PLD1: variants seen among roughly 807,000 people sequenced by gnomAD.
PLD1 encodes phospholipase D1.
PLD1 carries 112 observed loss-of-function variants against 137.1 expected under a neutral mutation model. The ratio of observed to expected loss-of-function variants is 0.82; its 90% CI spans 0.70 to 0.96. The LOEUF (loss-of-function observed/expected upper bound fraction) is 0.96. Ranked by LOEUF, PLD1 falls within the 40% of genes least tolerant of loss-of-function variation. The probability of loss-of-function intolerance (pLI) is 0.00; values close to 1 mark genes in which losing one functional copy is unlikely to be tolerated. For synonymous variants in PLD1, 431 were observed against 454.7 expected (o/e 0.95, Z 0.66); for missense variants, 1,321 against 1,342.0 (o/e 0.98, Z 0.24).
intron 23 of PLD1, among the ~76,000 whole-genome samples, chr3:171,622,009 A>T (rs921961557): frequency 1.3e-5 from 2 of 152,208 alleles, no homozygotes; most frequent in Non-Finnish European, 2.9e-5. Flanking sequence ...AAATAAATGT[A>T]TGAGTGGATA....
chr3:171,663,006 A>G (rs1380492784), intron 19 of PLD1, among the ~76,000 whole-genome samples: 2 of 152,218 alleles, frequency 1.3e-5, no homozygotes, highest in African/African-American at 4.8e-5. Flanking sequence ...ATGCCAGTCA[A>G]TTTGGGATTG....
chr3:171,761,058 T>G (rs773503464), intron 1 of PLD1, among the ~76,000 whole-genome samples: 1 of 152,222 alleles, frequency 6.6e-6, no homozygotes, highest in African/African-American at 2.4e-5. Flanking sequence ...ATAAGATAAA[T>G]GTATACATCT....
chr3:171,792,399 G>T (rs534545078), intron 1 of PLD1: 28 of 358,070 alleles, frequency 7.8e-5, no homozygotes, highest in African/African-American at 1.3e-4. Flanking sequence ...GGGCTGGGTG[G>T]CCCCAAATGA....
At chr3:171,730,348 T>C (rs1018892253) in intron 6 of PLD1, among the ~76,000 whole-genome samples, 1 of 151,780 alleles carries the variant, frequency 6.6e-6, no homozygotes, top group Non-Finnish European at 1.5e-5. Context: ...TCACCAATGG[T>C]CTCTGAGGCA....
Position 171,612,581 on chromosome 3 carries a change from C to T in PLD1, c.2729-149G>A. On this transcript the variant is annotated intron_variant, in intron 24 of 26. Coordinates refer to ENST00000351298, the MANE Select transcript of PLD1 (RefSeq NM_002662.5). The surrounding 1 kb of genome is among the most constrained non-coding windows in gnomAD (Gnocchi z 4.1). ...TGTGTTTTTAGGGAGGTGGGGCCCT[C>T]CCTAACCCAGGGGTGAATCTTAATC... 1 of 673,472 alleles carries T rather than the reference C, an allele frequency of 1.5e-6. No homozygotes were observed. Among genetic ancestry groups the T allele is most frequent in the Admixed American group, 2.5e-5 (1 of 39,952 alleles). The allele number at this position is 673,472 out of a possible 1,614,324, so 41.7% of individuals were successfully genotyped here.
At position 171,650,027 on chromosome 3, in the gene PLD1, A is replaced by G. The variant is rs554464229; in HGVS notation, c.2430-5004T>C. ...AAAACATTAAATCATTTTTCCCTTT[A>G]AATGTGTTAACTTCCCCCACTCTGT... On this transcript the variant is annotated intron_variant, in intron 21 of 26. Coordinates refer to ENST00000351298, the MANE Select transcript of PLD1 (RefSeq NM_002662.5). Among the ~76,000 whole-genome samples the G allele has an allele frequency of 3.3e-5, 5 of 152,320 alleles. No homozygotes were observed. The East Asian group carries it at 9.6e-4, about 29-fold the overall frequency.
chr3:171,657,330 GA>G (rs1171572902), intron 21 of PLD1, among the ~76,000 whole-genome samples: 2 of 152,112 alleles, frequency 1.3e-5, no homozygotes, highest in African/African-American at 2.4e-5. Flanking sequence ...AATATTATGT[GA>G]AAAAAGATAT....
chr3:171,680,714 C>A (rs999734392), intron 16 of PLD1, among the ~76,000 whole-genome samples: 1 of 152,168 alleles, frequency 6.6e-6, no homozygotes, highest in Non-Finnish European at 1.5e-5. Flanking sequence ...TCAAGTCTTT[C>A]CTTGAGATTT....
chr3:171,675,873 C>T (rs530419938), intron 18 of PLD1, among the ~76,000 whole-genome samples: 3 of 148,124 alleles, frequency 2.0e-5, no homozygotes, highest in Admixed American at 6.8e-5. Flanking sequence ...GACAGAGTCT[C>T]GCTCTGTTGC....
intron 1 of PLD1, among the ~76,000 whole-genome samples, chr3:171,755,076 C>A (rs1280411907): frequency 6.6e-6 from 1 of 152,136 alleles, no homozygotes; most frequent in African/African-American, 2.4e-5. Context: ...TTGCAGTCAT[C>A]TGGAGAAATT....
chr3:171,786,540 GA>G (rs759905060), intron 1 of PLD1, among the ~76,000 whole-genome samples: 2 of 152,102 alleles, frequency 1.3e-5, no homozygotes, highest in Non-Finnish European at 2.9e-5. Flanking sequence ...TAATCTCAAA[GA>G]ATTAGACAGA....
intron 1 of PLD1, chr3:171,788,469 G>T (rs548202222): frequency 6.6e-6 from 1 of 152,192 alleles, no homozygotes; most frequent in Non-Finnish European, 1.5e-5. Flanking sequence ...CATTCATTCA[G>T]TTAGTGCTTC....
intron 1 of PLD1, among the ~76,000 whole-genome samples, chr3:171,802,808 C>G (rs1436126664): frequency 6.6e-6 from 1 of 152,132 alleles, no homozygotes; most frequent in Non-Finnish European, 1.5e-5. Context: ...TTCACAGGAT[C>G]AGAATTTGAG....
chr3:171,688,724 C>T lies in PLD1; in HGVS notation c.1491G>A (p.Val497=). ...CTGAAGTGACCCGCTTCACACTGCCCACGTCTGTGAGTCTGTGCTCATTGT... is the reference window on the plus strand; with the variant it reads ...CTGAAGTGACCCGCTTCACACTGCCTACGTCTGTGAGTCTGTGCTCATTGT... ...WDDNEHRLTD[V]GSVKRVTSGP... is the part of the protein sequence containing the mutation. Residue 497 remains valine (V), a synonymous_variant, in exon 14 of 27, where the codon GTG becomes GTA. Coordinates refer to ENST00000351298, the MANE Select transcript of PLD1 (RefSeq NM_002662.5). 1 of 1,614,114 alleles carries T rather than the reference C, an allele frequency of 6.2e-7. No individual in the cohort carries two copies. The highest frequency in any genetic ancestry group is 8.5e-7 in the Non-Finnish European group (1 of 1,180,000).
intron 21 of PLD1, among the ~76,000 whole-genome samples, chr3:171,651,240 A>C (rs1451207483): frequency 6.6e-6 from 1 of 152,206 alleles, no homozygotes; most frequent in East Asian, 1.9e-4. Flanking sequence ...TGTAAACTTC[A>C]AGAGCTGCTA....
intron 21 of PLD1, among the ~76,000 whole-genome samples, chr3:171,650,322 T>G (rs757841324): frequency 1.6e-4 from 25 of 152,104 alleles, no homozygotes; most frequent in Admixed American, 4.6e-4. Flanking sequence ...TCAGGTGAAC[T>G]CCAGAGAAAT....
chr3:171,659,172 A>G (rs760955780), intron 21 of PLD1, 41 bp downstream of exon 21: 2 of 1,268,244 alleles, frequency 1.6e-6, no homozygotes, highest in East Asian at 4.6e-5. Flanking sequence ...TAATAAATAC[A>G]AGAACATCTG....
intron 3 of PLD1, among the ~76,000 whole-genome samples, chr3:171,737,105 G>C (rs1719420611): frequency 6.6e-6 from 1 of 152,130 alleles, no homozygotes; most frequent in South Asian, 2.1e-4. Context: ...TTTCTTAAGA[G>C]CCAGGTAGCA....
intron 19 of PLD1, 104 bp downstream of exon 19, chr3:171,674,396 G>T: frequency 1.9e-6 from 1 of 525,266 alleles, no homozygotes; most frequent in Non-Finnish European, 3.5e-6. Context: ...CTTTAGAAAA[G>T]CAGTCATTGA....
Sources: gnomAD v4.1 joint callset for allele counts (sites outside exome capture counted in the v4.1 genomes callset) on GRCh38, gnomAD v4.1.1 for gene constraint, Gnocchi (gnomAD v3.1) non-coding constraint, MANE v1.5 for transcripts, NCBI Gene and HGNC (gene_info 2026-07-23, HGNC 2026-07-21) for gene names.